Variants in ANO6 observed in about 807,000 individuals in gnomAD.
ANO6 encodes anoctamin-6.
A neutral mutation model predicts 117.5 loss-of-function variants in ANO6; 106 were observed. The ratio of observed to expected loss-of-function variants is 0.90; its 90% CI spans 0.77 to 1.06. ANO6 has a LOEUF of 1.06. Ranked by LOEUF, ANO6 falls within the 50% of genes least tolerant of loss-of-function variation. The probability of loss-of-function intolerance (pLI) is 0.00; values close to 1 mark genes in which losing one functional copy is unlikely to be tolerated. For synonymous variants in ANO6, 367 were observed against 385.1 expected (o/e 0.95, Z 0.55); for missense variants, 955 against 1,121.1 (o/e 0.85, Z 2.12).
intron 1 of ANO6, among the ~76,000 whole-genome samples, chr12:45,229,029 C>T (rs1258963454): frequency 6.6e-6 from 1 of 152,148 alleles, no homozygotes; most frequent in Admixed American, 6.5e-5. Flanking sequence ...GGAGCAGATC[C>T]ACCTTCCAAG....
intron 1 of ANO6, chr12:45,292,626 C>A (rs976600233): frequency 8.8e-7 from 1 of 1,134,584 alleles, no homozygotes; most frequent in African/African-American, 1.6e-5. Context: ...ATAGTTGTTT[C>A]CAGCTCTTCC....
At position 45,350,670 on chromosome 12, in the gene ANO6, C is replaced by T. The variant is rs779214871; in HGVS notation, c.759C>T (p.Arg253=). Residue 253 remains arginine (R), a synonymous_variant, in exon 7 of 20, where the codon CGC becomes CGT. Coordinates refer to ENST00000320560, the MANE Select transcript of ANO6 (RefSeq NM_001025356.3). ...CTTCTGCGTCACAGTGCAAATTCCG[C>T]CGTCAGTCAGAGGATCCCAGCTGCC... ...AAFPLHDCKF[R]RQSEDPSCPN... 10 of 1,613,590 alleles carry T rather than the reference C, an allele frequency of 6.2e-6. No individual in the cohort carries two copies. Among genetic ancestry groups the T allele is most frequent in the Middle Eastern group, 1.6e-4 (1 of 6,082 alleles).
intron 1 of ANO6, among the ~76,000 whole-genome samples, chr12:45,255,825 T>TGTTTTTTTG (rs1234736835): frequency 6.8e-6 from 1 of 146,372 alleles, no homozygotes; most frequent in African/African-American, 2.6e-5. Flanking sequence ...GGTGTTTTTT[T>TGTTTTTTTG]TTTTTTTTTT....
At chr12:45,397,134 A>T (rs186749247) in intron 12 of ANO6, among the ~76,000 whole-genome samples, 51 of 152,338 alleles carry the variant, frequency 3.3e-4, no homozygotes, top group African/African-American at 1.2e-3. Context: ...CAAGGGACTC[A>T]AACAAATTTA....
chr12:45,401,702 A>G, intron 12 of ANO6, 93 bp from the exon 13 acceptor site: 2 of 1,023,352 alleles, frequency 2.0e-6, no homozygotes, highest in Admixed American at 3.5e-5. Context: ...ACATCACTTT[A>G]CACACACACC....
intron 1 of ANO6, among the ~76,000 whole-genome samples, chr12:45,284,709 G>A (rs10785565): frequency 6.6e-6 from 1 of 152,132 alleles, no homozygotes; most frequent in Admixed American, 6.5e-5. Context: ...AGTGACTGTT[G>A]TCGTGTATCT....
At chr12:45,272,873 A>T (rs1307135124) in intron 1 of ANO6, among the ~76,000 whole-genome samples, 1 of 152,220 alleles carries the variant, frequency 6.6e-6, no homozygotes, top group Non-Finnish European at 1.5e-5. Context: ...ATTGCAGCAT[A>T]ATTCACAATA....
chr12:45,262,163 G>T (rs1938060306), intron 1 of ANO6, among the ~76,000 whole-genome samples: 1 of 152,028 alleles, frequency 6.6e-6, no homozygotes, highest in Non-Finnish European at 1.5e-5. Context: ...ACCCCTCAAA[G>T]ATAAACCACC....
At chr12:45,304,602 T>G (rs146783453) in intron 2 of ANO6, among the ~76,000 whole-genome samples, 67 of 152,190 alleles carry the variant, frequency 4.4e-4, no homozygotes, top group Non-Finnish European at 2.5e-4. Context: ...TATCCTCAAA[T>G]AGTTCAGATT....
chr12:45,317,785 T>G, intron 2 of ANO6, among the ~76,000 whole-genome samples: 1 of 152,186 alleles, frequency 6.6e-6, no homozygotes, highest in African/African-American at 2.4e-5. Context: ...CAGCACCTGT[T>G]GCTTCCTGAC....
At chr12:45,392,869 A>C (rs1436640124) in intron 12 of ANO6, among the ~76,000 whole-genome samples, 2 of 152,260 alleles carry the variant, frequency 1.3e-5, no homozygotes, top group African/African-American at 2.4e-5. Context: ...CCAAAGGTAG[A>C]TAAAACCACA....
chr12:45,429,969 C>G lies in ANO6; in HGVS notation c.*658C>G, dbSNP rs546422078. On this transcript the variant is annotated 3_prime_UTR_variant, in exon 20 of 20. Coordinates refer to ENST00000320560, the MANE Select transcript of ANO6 (RefSeq NM_001025356.3). ...TAGCAAGGTTTTGAAGCATATTTGT[C>G]CTAATCCACAGTGACACTTTTTATC... The G allele has an allele frequency of 1.6e-5, 16 of 987,020 alleles. No homozygotes were observed. The highest frequency in any genetic ancestry group is 5.2e-4 in the Middle Eastern group (1 of 1,916). 61.1% of individuals were successfully genotyped at this position (987,020 alleles called of 1,614,324 possible). A position where few individuals can be genotyped will look rare whatever the true frequency, so the allele number is the denominator to read the frequency against.
chr12:45,439,851 A>T lies in ANO6; in HGVS notation c.2703A>T (p.Ile901=), dbSNP rs369933954. 8 of 1,535,982 alleles carry T rather than the reference A, an allele frequency of 5.2e-6. No individual in the cohort carries two copies. In the African/African-American group the frequency reaches 1.1e-4, roughly 21 times the overall value. ...ATTATATATTTTCTATTTCAATAAT[A>T]TCTATTTTCTTTTCTGTTACTTTCT... Residue 901 remains isoleucine, a synonymous_variant, in exon 20 of 20, where the codon ATA becomes ATT. Coordinates refer to the ANO6 transcript ENST00000425752.
intron 3 of ANO6, among the ~76,000 whole-genome samples, chr12:45,343,642 C>T (rs528664560): frequency 6.6e-6 from 1 of 152,288 alleles, no homozygotes; most frequent in East Asian, 1.9e-4. Context: ...TTAAGCAGAT[C>T]AGGAGTTTAT....
intron 3 of ANO6, among the ~76,000 whole-genome samples, chr12:45,339,732 TAATA>T (rs1473410773): frequency 1.3e-5 from 2 of 152,096 alleles, no homozygotes; most frequent in East Asian, 3.9e-4. Context: ...TCGGGAGAAC[TAATA>T]AATAGCACAG....
chr12:45,237,697 G>T (rs1484202223), intron 1 of ANO6, among the ~76,000 whole-genome samples: 1 of 152,176 alleles, frequency 6.6e-6, no homozygotes, highest in African/African-American at 2.4e-5. Context: ...GGATTGTCTT[G>T]GCAATGTGGG....
intron 3 of ANO6, among the ~76,000 whole-genome samples, chr12:45,341,105 G>A (rs749576888): frequency 1.3e-5 from 2 of 152,284 alleles, no homozygotes; most frequent in African/African-American, 4.8e-5. Context: ...AGTATTTATA[G>A]TTGGTGGTAA....
chr12:45,392,529 C>T (rs185610576), intron 12 of ANO6, among the ~76,000 whole-genome samples: 9 of 152,340 alleles, frequency 5.9e-5, no homozygotes, highest in South Asian at 2.1e-4. Flanking sequence ...GCTCTGAGAA[C>T]GGACAGACTG....
At chr12:45,435,633 A>G, downstream of ANO6, among the ~76,000 whole-genome samples, 1 of 152,144 alleles carries the variant, frequency 6.6e-6, no homozygotes, top group East Asian at 1.9e-4. Flanking sequence ...GTATCTTAAG[A>G]ATATAGTTGG....
Sources: allele counts gnomAD v4.1 joint callset (sites outside exome capture counted in the v4.1 genomes callset), GRCh38; gene constraint gnomAD v4.1.1; transcripts MANE v1.5; gene names NCBI Gene and HGNC (gene_info 2026-07-23, HGNC 2026-07-21).